Variants in TSC22D2 observed in about 807,000 individuals in gnomAD.
The protein encoded by TSC22D2 is TSC22 domain family member 2, also known as TSC22 domain family protein 2.
TSC22D2 carries 5 observed loss-of-function variants against 50.1 expected under a neutral mutation model. The observed-to-expected ratio is 0.10, with a 90% CI of 0.05 to 0.21. TSC22D2 has a LOEUF of 0.21. TSC22D2 is among the 10% of genes least tolerant of loss of function. The probability of loss-of-function intolerance (pLI) is 1.00; values close to 1 mark genes in which losing one functional copy is unlikely to be tolerated. For missense variants in TSC22D2, 1,003 were observed against 1,015.5 expected (o/e 0.99, Z 0.17); for synonymous variants, 501 against 450.1 (o/e 1.11, Z -1.43).
chr3:150,445,247 A>T (rs1372124976), intron 1 of TSC22D2, among the ~76,000 whole-genome samples: 1 of 151,448 alleles, frequency 6.6e-6, no homozygotes, highest in East Asian at 1.9e-4. Context: ...CAGGAGGCGG[A>T]GGTTGCACTG....
At chr3:150,430,357 T>C (rs1212851358) in intron 1 of TSC22D2, among the ~76,000 whole-genome samples, 1 of 152,086 alleles carries the variant, frequency 6.6e-6, no homozygotes, top group East Asian at 1.9e-4. Context: ...AGCAGTTAGA[T>C]TAGAGACAGA....
In TSC22D2 at chr3:150,461,821, T is replaced by G. The variant is rs1483803985; in HGVS notation, c.*3185T>G. Reference sequence around the variant, plus strand: ...GGTGAATGATTATATTTCTCCAAGTTGCAAACTCCAGTAATTCATGGACCT... The same window carrying G: ...GGTGAATGATTATATTTCTCCAAGTGGCAAACTCCAGTAATTCATGGACCT... On this transcript the variant is annotated 3_prime_UTR_variant, in exon 3 of 3. Transcript: ENST00000688009. 6.6e-6 allele frequency: 1 copy of G among 151,076 alleles called. No homozygotes were observed. The highest frequency in any genetic ancestry group is 2.4e-5 in the African/African-American group (1 of 41,048). 9.4% of individuals were successfully genotyped at this position (151,076 alleles called of 1,614,324 possible). A position where few individuals can be genotyped will look rare whatever the true frequency, so the allele number is the denominator to read the frequency against.
chr3:150,435,966 A>G (rs915355273), intron 1 of TSC22D2, among the ~76,000 whole-genome samples: 11 of 152,114 alleles, frequency 7.2e-5, no homozygotes, highest in Non-Finnish European at 2.9e-5. Flanking sequence ...CTAATTTTAA[A>G]TTTTGAAGGG....
intron 1 of TSC22D2, among the ~76,000 whole-genome samples, chr3:150,428,678 A>T (rs34503712): frequency 0.2 from 30,448 of 151,870 alleles, 3,502 homozygotes; most frequent in African/African-American, 0.29. Context: ...TGCCACAAAA[A>T]CTAATGTGAT....
rs767009471 is a variant in TSC22D2, at chr3:150,410,980, C to T, written c.1630C>T (p.His544Tyr). The T allele has an allele frequency of 6.2e-6, 10 of 1,614,120 alleles. No individual in the cohort carries two copies. The highest frequency in any genetic ancestry group is 1.3e-5 in the African/African-American group (1 of 74,944). The change falls in exon 1 of 3, where the codon CAT becomes TAT. Residue 544 changes from histidine (H) to tyrosine (Y), a missense_variant. Physicochemically the swap from His to Tyr is moderately conservative, Grantham distance 83. Coordinates refer to ENST00000688009, the MANE Select transcript of TSC22D2 (RefSeq NM_001303264.2). Reference sequence around the variant, plus strand: ...GGCCCAGTCGCAACAGCTGAGCAGCCATACGCCAGTCAGCAGGAGCAGCAG... The same window carrying T: ...GGCCCAGTCGCAACAGCTGAGCAGCTATACGCCAGTCAGCAGGAGCAGCAG... ...PLAQSQQLSS[H>Y]TPVSRSSSII...
At chr3:150,420,804 A>T (rs1225877621) in intron 1 of TSC22D2, among the ~76,000 whole-genome samples, 1 of 150,642 alleles carries the variant, frequency 6.6e-6, no homozygotes. Flanking sequence ...TAAAGATGCC[A>T]GGTGTGGTGG....
chr3:150,438,463 A>G (rs1720618847), intron 1 of TSC22D2: 1 of 157,196 alleles, frequency 6.4e-6, no homozygotes, highest in Admixed American at 6.4e-5. Flanking sequence ...TATTAAATAT[A>G]AGTTAAAACT....
intron 1 of TSC22D2, among the ~76,000 whole-genome samples, chr3:150,419,188 C>A (rs1719925725): frequency 6.6e-6 from 1 of 152,034 alleles, no homozygotes; most frequent in South Asian, 2.1e-4. Context: ...TTCCCTTCCC[C>A]CTTTCTTATG....
intron 1 of TSC22D2, among the ~76,000 whole-genome samples, chr3:150,417,976 T>C (rs559414055): frequency 2.2e-4 from 34 of 152,226 alleles, no homozygotes; most frequent in East Asian, 3.9e-4. Context: ...TTTGAGACTT[T>C]GTCAAATTTT....
In TSC22D2 at chr3:150,458,246, G is replaced by T. The variant is rs146194205; in HGVS notation, c.2011-130G>T. On this transcript the variant is annotated intron_variant, in intron 2 of 2. Transcript: ENST00000688009. Reference sequence around the variant, plus strand: ...ACCCATCTTCCATAGGCTCGGTCAAGATAAAGCAGAAACATTAAAAGCAAG... The same window carrying T: ...ACCCATCTTCCATAGGCTCGGTCAATATAAAGCAGAAACATTAAAAGCAAG... 151 of 980,244 alleles carry T rather than the reference G, an allele frequency of 1.5e-4. No homozygotes were observed. The African/African-American group carries it at 2.2e-3, about 14-fold the overall frequency. 60.7% of individuals were successfully genotyped at this position (980,244 alleles called of 1,614,324 possible). A position where few individuals can be genotyped will look rare whatever the true frequency, so the allele number is the denominator to read the frequency against.
intron 1 of TSC22D2, among the ~76,000 whole-genome samples, chr3:150,446,504 T>C (rs973189662): frequency 6.6e-6 from 1 of 152,132 alleles, no homozygotes; most frequent in East Asian, 1.9e-4. Flanking sequence ...CAAAACATTT[T>C]TAAAAAGAAA....
At chr3:150,456,174 CTTTT>C in intron 1 of TSC22D2, among the ~76,000 whole-genome samples, 1 of 123,560 alleles carries the variant, frequency 8.1e-6, no homozygotes, top group African/African-American at 3.1e-5. Context: ...AATGTTGTTT[CTTTT>C]TGTTTTTTTT....
Position 150,421,079 on chromosome 3 carries a change from G to T in TSC22D2, c.1958+9771G>T, listed in dbSNP as rs1340477758. Reference sequence around the variant, plus strand: ...GCCTGAGCGACAAGAGTGAAACTCTGTCTCCAAAAAATAAATAAATAATAA... The same window carrying T: ...GCCTGAGCGACAAGAGTGAAACTCTTTCTCCAAAAAATAAATAAATAATAA... On this transcript the variant is annotated intron_variant, in intron 1 of 2. Transcript: ENST00000688009. Among the ~76,000 whole-genome samples the T allele has an allele frequency of 2.0e-5, 3 of 152,164 alleles. No individual in the cohort carries two copies. In the East Asian group the frequency reaches 5.8e-4, roughly 29 times the overall value.
intron 2 of TSC22D2, 25 bp downstream of exon 2, chr3:150,457,152 C>A: frequency 6.2e-7 from 1 of 1,601,714 alleles, no homozygotes; most frequent in South Asian, 1.1e-5. Context: ...ACAGTTCTCC[C>A]ATTTCATAGA....
At chr3:150,453,682 A>G (rs1721109226) in intron 1 of TSC22D2, among the ~76,000 whole-genome samples, 1 of 152,124 alleles carries the variant, frequency 6.6e-6, no homozygotes, top group Non-Finnish European at 1.5e-5. Context: ...CAGGGACTAC[A>G]CTTTGAGAAC....
Position 150,462,619 on chromosome 3 carries a change from ATTTTCTTT to A in TSC22D2, c.*3995_*4002del, listed in dbSNP as rs1721446160. The A allele has an allele frequency of 7.0e-6, 1 of 142,118 alleles. No homozygotes were observed. Among genetic ancestry groups the A allele is most frequent in the East Asian group, 2.0e-4 (1 of 4,890 alleles). The allele number at this position is 142,118 out of a possible 1,614,324, so 8.8% of individuals were successfully genotyped here. A position where few individuals can be genotyped will look rare whatever the true frequency, so the allele number is the denominator to read the frequency against. On this transcript the variant is annotated 3_prime_UTR_variant, in exon 3 of 3. Coordinates refer to ENST00000688009, the MANE Select transcript of TSC22D2 (RefSeq NM_001303264.2). ...TCCCAGTGTCAGGTATCAGGTGCCT[ATTTTCTTT>A]TTTTCTTTTTTCTTTTTTTTTTTTT...
At chr3:150,431,393 A>T (rs1720377968) in intron 1 of TSC22D2, among the ~76,000 whole-genome samples, 1 of 152,126 alleles carries the variant, frequency 6.6e-6, no homozygotes, top group African/African-American at 2.4e-5. Flanking sequence ...ATGAATATAC[A>T]GTGCATATTC....
intron 1 of TSC22D2, chr3:150,423,179 C>T: frequency 7.7e-7 from 1 of 1,296,592 alleles, no homozygotes; most frequent in South Asian, 1.3e-5. Flanking sequence ...AATTGCTTTG[C>T]ACTGTACTGG....
In TSC22D2 at chr3:150,452,349, G is replaced by T. The variant is rs563592025; in HGVS notation, c.1959-4727G>T. Among the ~76,000 whole-genome samples, 4 of 152,180 alleles carry T rather than the reference G, an allele frequency of 2.6e-5. No individual in the cohort carries two copies. In the East Asian group the frequency reaches 5.8e-4, roughly 22 times the overall value. On this transcript the variant is annotated intron_variant, in intron 1 of 2. Coordinates refer to ENST00000688009, the MANE Select transcript of TSC22D2 (RefSeq NM_001303264.2). ...AATCCCAGCTACTCGGGAGGCCGAGGCAGGAGACTCGCTTGAACCCGGGAG... is the reference window on the plus strand; with the variant it reads ...AATCCCAGCTACTCGGGAGGCCGAGTCAGGAGACTCGCTTGAACCCGGGAG...
Sources: gnomAD v4.1 joint callset for allele counts (sites outside exome capture counted in the v4.1 genomes callset) on GRCh38, gnomAD v4.1.1 for gene constraint, MANE v1.5 for transcripts, NCBI Gene and HGNC (gene_info 2026-07-23, HGNC 2026-07-21) for gene names.